Variants in P3H2 observed in about 807,000 individuals in gnomAD.
P3H2 encodes the protein prolyl 3-hydroxylase 2.
In P3H2, 80 loss-of-function variants were observed where a neutral mutation model predicts 87.0. That is an observed-to-expected ratio of 0.92 (90% CI 0.77 to 1.11). P3H2 has a LOEUF of 1.11. P3H2 is among the 50% of genes least tolerant of loss of function. P3H2 has a pLI of 0.00. For missense variants in P3H2, 1,001 were observed against 923.9 expected, an observed-to-expected ratio of 1.08 and a Z score of -1.08; for synonymous variants, 367 against 359.3, an observed-to-expected ratio of 1.02 and a Z score of -0.24.
At chr3:190,081,412 G>A (rs1045965616) in intron 1 of P3H2, among the ~76,000 whole-genome samples, 3 of 152,116 alleles carry the variant, frequency 2.0e-5, no homozygotes, top group Non-Finnish European at 4.4e-5. Flanking sequence ...TTTTAAAAAG[G>A]CTTTCCAAAT....
intron 1 of P3H2, among the ~76,000 whole-genome samples, chr3:190,019,116 T>C (rs1315003147): frequency 2.6e-5 from 4 of 152,142 alleles, no homozygotes; most frequent in Non-Finnish European, 5.9e-5. Context: ...GCTGGGAAGA[T>C]TCAATGCAGT....
At chr3:190,042,456 GTA>G (rs1247555750) in intron 1 of P3H2, among the ~76,000 whole-genome samples, 14 of 140,140 alleles carry the variant, frequency 1.0e-4, no homozygotes, top group Non-Finnish European at 2.1e-4. Flanking sequence ...GTGTGTGTGT[GTA>G]TGTAGAATCT....
intron 13 of P3H2, among the ~76,000 whole-genome samples, chr3:189,965,287 C>CTACATATG (rs1404094534): frequency 6.6e-6 from 1 of 152,108 alleles, no homozygotes; most frequent in Non-Finnish European, 1.5e-5. Flanking sequence ...GACTACGTGA[C>CTACATATG]TACATATGGA....
At chr3:189,994,489 G>T (rs972100820) in intron 2 of P3H2, among the ~76,000 whole-genome samples, 1 of 152,042 alleles carries the variant, frequency 6.6e-6, no homozygotes, top group Admixed American at 6.6e-5. Context: ...TAAGTGAGAG[G>T]GGTCTTACTG....
chr3:190,057,395 G>A (rs915521219), intron 1 of P3H2, among the ~76,000 whole-genome samples: 3 of 152,166 alleles, frequency 2.0e-5, no homozygotes, highest in Non-Finnish European at 4.4e-5. Context: ...CTAAGTCCCA[G>A]GGATGTATCT....
chr3:189,994,305 A>AAAC (rs111751199), intron 2 of P3H2, 22 bp from the exon 3 acceptor site: 12 of 1,230,388 alleles, frequency 9.8e-6, no homozygotes, highest in East Asian at 2.4e-5. Flanking sequence ...CAGACGGGAA[A>AAAC]AAACAAACAA....
intron 6 of P3H2, 103 bp from the exon 7 acceptor site, chr3:189,984,693 C>A: frequency 2.4e-6 from 2 of 824,584 alleles, no homozygotes; most frequent in Non-Finnish European, 4.1e-6. Flanking sequence ...TTCAAAAGAT[C>A]TATAATTTAG....
chr3:190,075,743 G>A (rs955714666), intron 1 of P3H2, among the ~76,000 whole-genome samples: 1 of 152,098 alleles, frequency 6.6e-6, no homozygotes, highest in East Asian at 1.9e-4. Context: ...TGTACTTAGG[G>A]TACCTGAAAA....
At chr3:190,026,432 C>T (rs972009981) in intron 1 of P3H2, among the ~76,000 whole-genome samples, 2 of 152,122 alleles carry the variant, frequency 1.3e-5, no homozygotes, top group East Asian at 1.9e-4. Context: ...GCAGTAAAAA[C>T]GCCAGCTAAA....
intron 8 of P3H2, among the ~76,000 whole-genome samples, chr3:189,981,699 G>A (rs1374429624): frequency 6.6e-6 from 1 of 152,116 alleles, no homozygotes; most frequent in Non-Finnish European, 1.5e-5. Flanking sequence ...CTGGTAGCCA[G>A]GGGAAAAAAA....
At chr3:190,102,588 G>C (rs544180114) in intron 1 of P3H2, among the ~76,000 whole-genome samples, 1 of 152,320 alleles carries the variant, frequency 6.6e-6, no homozygotes, top group African/African-American at 2.4e-5. Flanking sequence ...ATAAAAAGTT[G>C]CTTCTTAAGG....
chr3:190,028,436 C>G (rs1333047753), intron 1 of P3H2, among the ~76,000 whole-genome samples: 1 of 152,160 alleles, frequency 6.6e-6, no homozygotes, highest in Non-Finnish European at 1.5e-5. Context: ...GTATCCCAGC[C>G]AAACTCTGGA....
At chr3:190,121,921 G>T (rs761004064), upstream of P3H2, among the ~76,000 whole-genome samples, 1 of 151,870 alleles carries the variant, frequency 6.6e-6, no homozygotes, top group African/African-American at 2.4e-5. Context: ...GCAAAACCCC[G>T]TCTCTACTAA....
At chr3:189,996,392 T>C (rs910100984) in intron 1 of P3H2, among the ~76,000 whole-genome samples, 1 of 152,320 alleles carries the variant, frequency 6.6e-6, no homozygotes, top group Non-Finnish European at 1.5e-5. Flanking sequence ...CTCATTCTTA[T>C]ATGGAATCTG....
rs770628547 is a variant in P3H2 at position 189,962,161 on chromosome 3, C to CTTTTT, written c.2034+1792_2034+1796dup. 1.2e-3 allele frequency among the ~76,000 whole-genome samples: 105 copies of CTTTTT among 87,596 alleles called. 2 individuals carry two copies. Among genetic ancestry groups the CTTTTT allele is most frequent in the African/African-American group, 2.5e-3 (52 of 21,176 alleles). 57.5% of individuals were successfully genotyped at this position (87,596 alleles called of 152,430 possible). A position where few individuals can be genotyped will look rare whatever the true frequency, so the allele number is the denominator to read the frequency against. On this transcript the variant is annotated intron_variant, in intron 14 of 14. Coordinates refer to ENST00000319332, the MANE Select transcript of P3H2 (RefSeq NM_018192.4). The stretch of plus-strand genomic sequence containing the variant: ...GCCTTTCTTTCTTTTTCTTCTTCTT[C>CTTTTT]TTTTTTTTTTTTTTTTTTTTTTTTA...
At chr3:189,994,657 G>A (rs934683542) in intron 2 of P3H2, among the ~76,000 whole-genome samples, 5 of 63,760 alleles carry the variant, frequency 7.8e-5, no homozygotes, top group South Asian at 5.5e-4. Flanking sequence ...CCCTGCCTGT[G>A]TTTTTTGTTT....
chr3:190,075,934 T>A (rs1469541055), intron 1 of P3H2, among the ~76,000 whole-genome samples: 1 of 152,220 alleles, frequency 6.6e-6, no homozygotes, highest in Non-Finnish European at 1.5e-5. Flanking sequence ...AACACTTTTT[T>A]CTGCAGATGT....
At chr3:190,109,740 C>A (rs1376556825) in intron 1 of P3H2, among the ~76,000 whole-genome samples, 1 of 151,540 alleles carries the variant, frequency 6.6e-6, no homozygotes, top group Admixed American at 6.6e-5. Context: ...CTAGCTGCAG[C>A]CAAACTTTTT....
chr3:189,972,779 A>T lies in P3H2; in HGVS notation c.1699+95T>A. ...TTTGGAAATCTAGAATTCGTCTAAA[A>T]TATTAATCTACCATGCTGTTGAGCT... On this transcript the variant is annotated intron_variant, in intron 11 of 14. Transcript: ENST00000319332. 3 of 1,325,522 alleles carry T rather than the reference A, an allele frequency of 2.3e-6. No individual in the cohort carries two copies. The South Asian group carries it at 3.6e-5, about 16-fold the overall frequency. 82.1% of individuals were successfully genotyped at this position (1,325,522 alleles called of 1,614,324 possible).
Sources: gnomAD v4.1 joint callset for allele counts (sites outside exome capture counted in the v4.1 genomes callset) on GRCh38, gnomAD v4.1.1 for gene constraint, MANE v1.5 for transcripts, NCBI Gene and HGNC (gene_info 2026-07-23, HGNC 2026-07-21) for gene names.